ADAD1: variants seen among roughly 807,000 people sequenced by gnomAD.
ADAD1 encodes adenosine deaminase domain containing 1.
Under a neutral mutation model 66.8 loss-of-function variants are expected in ADAD1, and 46 were observed. That is an observed-to-expected ratio of 0.69 (90% CI 0.54 to 0.88). The LOEUF is 0.88. ADAD1 is among the 40% of genes least tolerant of loss of function. The probability of loss-of-function intolerance (pLI) is 0.00; values close to 1 mark genes in which losing one functional copy is unlikely to be tolerated. For synonymous variants in ADAD1, 248 were observed against 229.4 expected, an observed-to-expected ratio of 1.08 and a Z score of -0.73; for missense variants, 617 against 681.8, an observed-to-expected ratio of 0.91 and a Z score of 1.06.
At chr4:122,414,653 G>C (rs1796645282) in intron 10 of ADAD1, among the ~76,000 whole-genome samples, 1 of 152,052 alleles carries the variant, frequency 6.6e-6, no homozygotes, top group Admixed American at 6.6e-5. Flanking sequence ...ATGTCTAGTG[G>C]TTTACAAAGA....
chr4:122,391,839 A>G (rs770506927), intron 5 of ADAD1, among the ~76,000 whole-genome samples: 4 of 152,122 alleles, frequency 2.6e-5, no homozygotes, highest in Admixed American at 2.0e-4. Context: ...CTTCCTGAGT[A>G]GCTGGAATTA....
Position 122,380,862 on chromosome 4 carries a change from A to C in ADAD1, c.173-130A>C. 4 of 839,154 alleles carry C rather than the reference A, an allele frequency of 4.8e-6. No homozygotes were observed. The South Asian group carries it at 8.0e-5, about 17-fold the overall frequency. The allele number at this position is 839,154 out of a possible 1,614,324, so 52.0% of individuals were successfully genotyped here. On this transcript the variant is annotated intron_variant, in intron 3 of 12. Transcript: ENST00000296513. ...GTCATGTGTGCCAAAATTGTTTAGT[A>C]GAAACTTAAGAAAAACATATGATGA...
intron 5 of ADAD1, among the ~76,000 whole-genome samples, chr4:122,386,442 G>T (rs542853804): frequency 8.5e-5 from 13 of 152,260 alleles, no homozygotes; most frequent in Admixed American, 3.3e-4. Context: ...CTGGATATTA[G>T]ACCTTTGTCA....
At chr4:122,425,609 A>G (rs1036425067) in intron 12 of ADAD1, among the ~76,000 whole-genome samples, 2 of 151,754 alleles carry the variant, frequency 1.3e-5, no homozygotes, top group Non-Finnish European at 2.9e-5. Context: ...GGAAAAGTAA[A>G]AAAAAAAATA....
rs1580793941 is a variant in ADAD1, at chr4:122,414,297, G to C, written c.1250-1082G>C. ...TTTTGGGGGGGGGGGTACAACTACT[G>C]TCATTATTTCATTGCAGAATGTAAT... On this transcript the variant is annotated intron_variant, in intron 10 of 12. Transcript: ENST00000296513. Among the ~76,000 whole-genome samples the C allele has an allele frequency of 4.2e-5, 5 of 119,230 alleles. No individual in the cohort carries two copies. In the Admixed American group the frequency reaches 4.9e-4, roughly 12 times the overall value. 78.2% of individuals were successfully genotyped at this position (119,230 alleles called of 152,430 possible).
chr4:122,380,809 T>G (rs80349549), intron 3 of ADAD1, among the ~76,000 whole-genome samples, 183 bp from the exon 4 acceptor site: 1 of 152,198 alleles, frequency 6.6e-6, no homozygotes, highest in Non-Finnish European at 1.5e-5. Flanking sequence ...GTCTTAGTAC[T>G]CGATAGATGC....
Position 122,415,335 on chromosome 4 carries a change from G to A in ADAD1, c.1250-44G>A, listed in dbSNP as rs781029903. The A allele has an allele frequency of 2.8e-6, 4 of 1,432,084 alleles. No individual in the cohort carries two copies. The South Asian group carries it at 3.7e-5, about 13-fold the overall frequency. The allele number at this position is 1,432,084 out of a possible 1,614,324, so 88.7% of individuals were successfully genotyped here. ...CATTTCATTTATTTTATTTTGGGATGTTCTTTTAATATTGAACTTGAGTGT... is the reference window on the plus strand; with the variant it reads ...CATTTCATTTATTTTATTTTGGGATATTCTTTTAATATTGAACTTGAGTGT... On this transcript the variant is annotated intron_variant, in intron 10 of 12. Transcript: ENST00000296513.
At chr4:122,418,318 T>C (rs930269894) in intron 11 of ADAD1, among the ~76,000 whole-genome samples, 2 of 124,694 alleles carry the variant, frequency 1.6e-5, no homozygotes, top group African/African-American at 5.1e-5. Context: ...TTTTTTTTTT[T>C]TTTTTTTTTG....
rs768639257 is a variant in ADAD1, at chr4:122,396,214, A to C, written c.599-38A>C. 3 of 1,532,376 alleles carry C rather than the reference A, an allele frequency of 2.0e-6. No homozygotes were observed. In the Admixed American group the frequency reaches 6.2e-5, roughly 32 times the overall value. 94.9% of individuals were successfully genotyped at this position (1,532,376 alleles called of 1,614,324 possible). On this transcript the variant is annotated intron_variant, in intron 6 of 12. Coordinates refer to ENST00000296513, the MANE Select transcript of ADAD1 (RefSeq NM_139243.4). ...ATAATAAGACAGCTCTAGGAGGAGCACAATGTTCTTGAAATTTATGTTTTG... is the reference window on the plus strand; with the variant it reads ...ATAATAAGACAGCTCTAGGAGGAGCCCAATGTTCTTGAAATTTATGTTTTG...
chr4:122,384,698 C>G (rs1219753296), intron 5 of ADAD1, among the ~76,000 whole-genome samples: 3 of 152,152 alleles, frequency 2.0e-5, no homozygotes, highest in African/African-American at 7.2e-5. Flanking sequence ...TTTCTCCTGC[C>G]TTTTCCCTAA....
intron 8 of ADAD1, among the ~76,000 whole-genome samples, chr4:122,410,662 TTTAG>T (rs1384015341): frequency 5.3e-5 from 8 of 152,298 alleles, no homozygotes; most frequent in African/African-American, 1.9e-4. Context: ...TTTCCACTCA[TTTAG>T]TTATTTTGAA....
At chr4:122,384,022 CA>C (rs1378497446) in intron 5 of ADAD1, 56 bp downstream of exon 5, 89 of 1,423,526 alleles carry the variant, frequency 6.3e-5, no homozygotes, top group Non-Finnish European at 8.1e-5. Context: ...CAAAAGGAAT[CA>C]CCTGAAAGAT....
At chr4:122,392,339 T>A (rs1218582386) in intron 5 of ADAD1, among the ~76,000 whole-genome samples, 2 of 152,174 alleles carry the variant, frequency 1.3e-5, no homozygotes, top group Non-Finnish European at 2.9e-5. Context: ...GAAAGTGTGG[T>A]ACATACACAA....
Position 122,429,751 on chromosome 4 carries a change from C to A in ADAD1, c.*12C>A. 1 of 1,519,538 alleles carries A rather than the reference C, an allele frequency of 6.6e-7. No homozygotes were observed. The highest frequency in any genetic ancestry group is 9.1e-7 in the Non-Finnish European group (1 of 1,101,982). The allele number at this position is 1,519,538 out of a possible 1,614,324, so 94.1% of individuals were successfully genotyped here. A position where few individuals can be genotyped will look rare whatever the true frequency, so the allele number is the denominator to read the frequency against. The stretch of plus-strand genomic sequence containing the variant: ...AATTTAACATGTGAAATAGGCAATC[C>A]ATTATCACATTAAAAATCTTGTTTT... On this transcript the variant is annotated 3_prime_UTR_variant, in exon 13 of 13. Coordinates refer to ENST00000296513, the MANE Select transcript of ADAD1 (RefSeq NM_139243.4).
rs77273908 is a variant in ADAD1, at chr4:122,381,242, T to C, written c.361+62T>C. The C allele has an allele frequency of 8.7e-4, 1,249 of 1,441,880 alleles. 5 individuals carry two copies. In the African/African-American group the frequency reaches 0.017, roughly 19 times the overall value. The allele number at this position is 1,441,880 out of a possible 1,614,324, so 89.3% of individuals were successfully genotyped here. A position where few individuals can be genotyped will look rare whatever the true frequency, so the allele number is the denominator to read the frequency against. On this transcript the variant is annotated intron_variant, in intron 4 of 12. Transcript: ENST00000296513. ...GAAAAGTATAGCAAAATAATTGTGC[T>C]AAGTTTAGTTCTTTCTTCTAATATT... is the stretch of plus-strand genomic sequence containing the variant.
intron 11 of ADAD1, among the ~76,000 whole-genome samples, chr4:122,417,180 C>T (rs1796776433): frequency 6.6e-6 from 1 of 151,588 alleles, no homozygotes; most frequent in South Asian, 2.1e-4. Context: ...ACTAAAAATA[C>T]AAAAGATTAG....
At chr4:122,408,975 G>A (rs1018113238) in intron 8 of ADAD1, among the ~76,000 whole-genome samples, 1 of 151,954 alleles carries the variant, frequency 6.6e-6, no homozygotes, top group Non-Finnish European at 1.5e-5. Flanking sequence ...CTTTTGACCC[G>A]CACTAAGTAG....
At chr4:122,396,902 A>T (rs991998393) in intron 7 of ADAD1, among the ~76,000 whole-genome samples, 1 of 152,190 alleles carries the variant, frequency 6.6e-6, no homozygotes, top group Non-Finnish European at 1.5e-5. Flanking sequence ...AAGTAGGCAG[A>T]GTAGATAAAT....
At chr4:122,416,423 A>G (rs1796736507) in intron 11 of ADAD1, among the ~76,000 whole-genome samples, 1 of 152,284 alleles carries the variant, frequency 6.6e-6, no homozygotes, top group South Asian at 2.1e-4. Context: ...AATTTAAATG[A>G]AGACCACATA....
Sources: allele counts gnomAD v4.1 joint callset (sites outside exome capture counted in the v4.1 genomes callset), GRCh38; gene constraint gnomAD v4.1.1; transcripts MANE v1.5; gene names NCBI Gene and HGNC (gene_info 2026-07-23, HGNC 2026-07-21).